Variants in LRBA observed in about 807,000 individuals in gnomAD.
LRBA encodes the protein lipopolysaccharide-responsive and beige-like anchor protein.
In LRBA, 176 loss-of-function variants were observed where a neutral mutation model predicts 330.0. The ratio of observed to expected loss-of-function variants is 0.53; its 90% CI spans 0.47 to 0.60. The LOEUF is 0.60. LRBA is among the 20% of genes least tolerant of loss of function. The pLI is 0.00. For synonymous variants in LRBA, 1,230 were observed against 1,193.0 expected, an observed-to-expected ratio of 1.03 and a Z score of -0.64; for missense variants, 3,259 against 3,444.8, an observed-to-expected ratio of 0.95 and a Z score of 1.35.
At chr4:150,662,467 A>G (rs1781205826) in intron 37 of LRBA, among the ~76,000 whole-genome samples, 2 of 152,202 alleles carry the variant, frequency 1.3e-5, no homozygotes, top group African/African-American at 4.8e-5. Context: ...CCTCAAACCA[A>G]TTAAATCCCT....
chr4:150,366,816 G>A (rs923956452), intron 47 of LRBA, among the ~76,000 whole-genome samples: 1 of 152,126 alleles, frequency 6.6e-6, no homozygotes, highest in African/African-American at 2.4e-5. Flanking sequence ...TTTAGCTGAT[G>A]GTCCTCCAGT....
At chr4:150,527,212 A>G (rs545642631) in intron 40 of LRBA, among the ~76,000 whole-genome samples, 13 of 152,270 alleles carry the variant, frequency 8.5e-5, no homozygotes, top group Admixed American at 6.5e-5. Flanking sequence ...TGCTTTCTCA[A>G]TATAGAAACT....
chr4:150,742,326 G>T (rs1212034981), intron 35 of LRBA, among the ~76,000 whole-genome samples: 1 of 151,702 alleles, frequency 6.6e-6, no homozygotes, highest in Admixed American at 6.6e-5. Context: ...TTTTGGTGGT[G>T]TTGTAGAGAC....
At chr4:150,538,479 CT>C (rs1166517221) in intron 40 of LRBA, among the ~76,000 whole-genome samples, 1 of 152,140 alleles carries the variant, frequency 6.6e-6, no homozygotes, top group African/African-American at 2.4e-5. Context: ...AAATCATGTC[CT>C]TTGCAGCAAC....
intron 2 of LRBA, among the ~76,000 whole-genome samples, chr4:150,996,180 C>T (rs1742625281): frequency 1.3e-5 from 2 of 151,926 alleles, no homozygotes; most frequent in South Asian, 4.2e-4. Context: ...AAAAATTTCA[C>T]GGTTCAAGTG....
chr4:150,303,259 G>A (rs887266067), intron 52 of LRBA, among the ~76,000 whole-genome samples: 2 of 152,170 alleles, frequency 1.3e-5, no homozygotes, highest in Admixed American at 1.3e-4. Context: ...AAGATTTAAT[G>A]TATTTCTTGT....
intron 2 of LRBA, among the ~76,000 whole-genome samples, chr4:150,930,696 A>C (rs2149511705): frequency 6.6e-6 from 1 of 152,290 alleles, no homozygotes; most frequent in East Asian, 1.9e-4. Flanking sequence ...GAAATGAACA[A>C]TGTGAGGATC....
At chr4:150,665,167 T>C (rs1316367908) in intron 37 of LRBA, among the ~76,000 whole-genome samples, 1 of 152,174 alleles carries the variant, frequency 6.6e-6, no homozygotes, top group Non-Finnish European at 1.5e-5. Context: ...CATATCACAA[T>C]GTGTGAAATG....
chr4:150,735,594 G>C lies in LRBA; in HGVS notation c.5646-228C>G, dbSNP rs546992244. Among the ~76,000 whole-genome samples, 5 of 152,232 alleles carry C rather than the reference G, an allele frequency of 3.3e-5. No homozygotes were observed. The South Asian group carries it at 1.0e-3, about 32-fold the overall frequency. ...CTATCAGACTAGCCATGTAACAAAA[G>C]CAACTAAAAATACTGGATTAAAGTT... On this transcript the variant is annotated intron_variant, in intron 35 of 56. Coordinates refer to ENST00000651943, the MANE Select transcript of LRBA (RefSeq NM_001364905.1).
At chr4:150,452,433 C>G (rs960116887) in intron 44 of LRBA, among the ~76,000 whole-genome samples, 1 of 152,058 alleles carries the variant, frequency 6.6e-6, no homozygotes, top group Admixed American at 6.5e-5. Context: ...ACCATCCTGG[C>G]CAGCATGGTG....
intron 34 of LRBA, 115 bp downstream of exon 34, chr4:150,797,966 C>A (rs1478336573): frequency 3.1e-6 from 2 of 637,130 alleles, no homozygotes; most frequent in Non-Finnish European, 5.6e-6. Context: ...TTTAAAACAG[C>A]AAACTCACAA....
rs1308388489 is a variant in LRBA at position 150,467,696 on chromosome 4, T to C, written c.6757A>G (p.Thr2253Ala). The change falls in exon 44 of 57, where the codon ACC becomes GCC. Residue 2253 changes from threonine (T) to alanine (A), a missense_variant. Physicochemically the swap from Thr to Ala is moderately conservative, Grantham distance 58. Coordinates refer to ENST00000651943, the MANE Select transcript of LRBA (RefSeq NM_001364905.1). ...ESEELDLTLP[T>A]NFRDLSKPIG... is the part of the protein sequence containing the mutation. ...ACCTTGGACAAATCTCTGAAGTTGG[T>C]GGGCAAGGTAAGATCCAGTTCTTCT... is the stretch of plus-strand genomic sequence containing the variant. 5 of 1,601,296 alleles carry C rather than the reference T, an allele frequency of 3.1e-6. No homozygotes were observed. Among genetic ancestry groups the C allele is most frequent in the Non-Finnish European group, 3.4e-6 (4 of 1,170,264 alleles).
chr4:150,292,095 T>C (rs1188381463), intron 53 of LRBA, among the ~76,000 whole-genome samples: 1 of 152,224 alleles, frequency 6.6e-6, no homozygotes, highest in Non-Finnish European at 1.5e-5. Flanking sequence ...TTTTCATTAG[T>C]TGTGTTTCTT....
chr4:150,654,878 C>CT (rs966337930), intron 37 of LRBA, among the ~76,000 whole-genome samples: 1 of 152,004 alleles, frequency 6.6e-6, no homozygotes, highest in Non-Finnish European at 1.5e-5. Context: ...TTAACTCATC[C>CT]TTTTTTATGG....
chr4:150,346,134 G>A (rs1421479962), intron 48 of LRBA, among the ~76,000 whole-genome samples: 1 of 152,046 alleles, frequency 6.6e-6, no homozygotes, highest in Non-Finnish European at 1.5e-5. Context: ...TATTCAGAAA[G>A]TTTTATAAAT....
intron 34 of LRBA, among the ~76,000 whole-genome samples, chr4:150,782,808 G>A (rs531165341): frequency 1.3e-5 from 2 of 152,130 alleles, no homozygotes; most frequent in Admixed American, 1.3e-4. Context: ...AACCAAATGA[G>A]AACAGAAAGA....
At chr4:150,966,475 ATT>A (rs36013649) in intron 2 of LRBA, among the ~76,000 whole-genome samples, 10 of 114,586 alleles carry the variant, frequency 8.7e-5, no homozygotes, top group South Asian at 2.9e-4. Context: ...CACCCAGCTA[ATT>A]TTTTTTTTTT....
At chr4:150,342,677 T>C (rs1735751273) in intron 48 of LRBA, among the ~76,000 whole-genome samples, 1 of 152,188 alleles carries the variant, frequency 6.6e-6, no homozygotes, top group South Asian at 2.1e-4. Flanking sequence ...GATCACTTAC[T>C]ATGCCATGTG....
At chr4:150,505,269 A>C (rs1447492555) in intron 40 of LRBA, among the ~76,000 whole-genome samples, 6 of 152,170 alleles carry the variant, frequency 3.9e-5, no homozygotes, top group Non-Finnish European at 8.8e-5. Flanking sequence ...AAATCAACAG[A>C]ATATACATTT....
Sources: gnomAD v4.1 joint callset for allele counts (sites outside exome capture counted in the v4.1 genomes callset) on GRCh38, gnomAD v4.1.1 for gene constraint, MANE v1.5 for transcripts, NCBI Gene and HGNC (gene_info 2026-07-23, HGNC 2026-07-21) for gene names.